Variants in TBC1D19 observed in about 807,000 individuals in gnomAD.
TBC1D19 encodes TBC1 domain family member 19.
Under a neutral mutation model 89.0 loss-of-function variants are expected in TBC1D19, and 60 were observed. The observed-to-expected ratio is 0.67, with a 90% CI of 0.55 to 0.84. The LOEUF is 0.84. TBC1D19 is among the 40% of genes least tolerant of loss of function. The pLI, the probability that TBC1D19 is intolerant of heterozygous loss-of-function variation, is 0.00. For synonymous variants in TBC1D19, 189 were observed against 199.7 expected (o/e 0.95, Z 0.45); for missense variants, 500 against 610.8 (o/e 0.82, Z 1.91).
At chr4:26,734,296 A>G (rs942160374) in intron 15 of TBC1D19, among the ~76,000 whole-genome samples, 1 of 152,228 alleles carries the variant, frequency 6.6e-6, no homozygotes, top group African/African-American at 2.4e-5. Flanking sequence ...AACTCACTCT[A>G]TATGACCACA....
At chr4:26,858,141 G>C in the TBC1D19 span, 1 of 152,224 alleles carries the variant, frequency 6.6e-6, no homozygotes, top group African/African-American at 2.4e-5. Flanking sequence ...ACTGAGGACA[G>C]ATTAACCTGT....
chr4:26,816,643 A>T, the TBC1D19 span, among the ~76,000 whole-genome samples: 110 of 152,324 alleles, frequency 7.2e-4, 1 homozygote, highest in African/African-American at 2.6e-3. Context: ...AATAACTTGG[A>T]TTCAATCATG....
intron 7 of TBC1D19, among the ~76,000 whole-genome samples, chr4:26,643,055 C>T: frequency 6.6e-6 from 1 of 152,176 alleles, no homozygotes; most frequent in Non-Finnish European, 1.5e-5. Context: ...AGGACTTGAT[C>T]TCAGCTCTGC....
chr4:26,594,111 C>T (rs1253600307), intron 1 of TBC1D19, among the ~76,000 whole-genome samples: 1 of 152,096 alleles, frequency 6.6e-6, no homozygotes, highest in Admixed American at 6.5e-5. Context: ...CAATGGTAGA[C>T]TGGATAAAGA....
chr4:26,723,458 C>T (rs531336500), intron 15 of TBC1D19, among the ~76,000 whole-genome samples: 1 of 152,314 alleles, frequency 6.6e-6, no homozygotes, highest in East Asian at 1.9e-4. Flanking sequence ...GACACACTCT[C>T]ATTCCCTGAC....
intron 4 of TBC1D19, among the ~76,000 whole-genome samples, chr4:26,627,747 C>T (rs1035791858): frequency 6.2e-4 from 94 of 151,730 alleles, no homozygotes; most frequent in Non-Finnish European, 9.7e-4. Context: ...GTTTTTTTCT[C>T]GTAAATTTGT....
At chr4:26,741,808 T>C (rs971990081) in intron 17 of TBC1D19, among the ~76,000 whole-genome samples, 2 of 152,238 alleles carry the variant, frequency 1.3e-5, no homozygotes, top group Non-Finnish European at 1.5e-5. Context: ...CAGGAAAGAC[T>C]TTATTCAGAG....
chr4:26,691,056 C>T (rs1036025984), intron 13 of TBC1D19, among the ~76,000 whole-genome samples: 2 of 152,194 alleles, frequency 1.3e-5, no homozygotes, highest in African/African-American at 2.4e-5. Context: ...GAAGTTGATT[C>T]TAACCTTCAT....
At chr4:26,846,665 T>C in the TBC1D19 span, among the ~76,000 whole-genome samples, 2 of 152,216 alleles carry the variant, frequency 1.3e-5, no homozygotes, top group Admixed American at 6.5e-5. Context: ...ATCAAGATTA[T>C]ATTTCTTTAT....
At chr4:26,698,510 T>A (rs1381244008) in intron 13 of TBC1D19, among the ~76,000 whole-genome samples, 4 of 152,132 alleles carry the variant, frequency 2.6e-5, no homozygotes, top group African/African-American at 9.7e-5. Flanking sequence ...TGGAAAAAAC[T>A]ACTTTAAAGT....
At chr4:26,835,399 A>G in the TBC1D19 span, among the ~76,000 whole-genome samples, 2 of 152,230 alleles carry the variant, frequency 1.3e-5, no homozygotes, top group African/African-American at 2.4e-5. Flanking sequence ...ATCCAGACCT[A>G]TAAGATAATA....
intron 19 of TBC1D19, 140 bp downstream of exon 19, chr4:26,748,666 C>A: frequency 1.6e-6 from 1 of 637,760 alleles, no homozygotes; most frequent in Non-Finnish European, 2.7e-6. Flanking sequence ...CTGGCTTTGA[C>A]GATAAGTACG....
At chr4:26,593,121 G>A (rs1341679969) in intron 1 of TBC1D19, among the ~76,000 whole-genome samples, 1 of 152,176 alleles carries the variant, frequency 6.6e-6, no homozygotes, top group Non-Finnish European at 1.5e-5. Flanking sequence ...AACCAGCATG[G>A]TACTGGTACC....
At chr4:26,709,302 A>G (rs779359291) in intron 13 of TBC1D19, among the ~76,000 whole-genome samples, 2 of 151,982 alleles carry the variant, frequency 1.3e-5, no homozygotes, top group African/African-American at 4.8e-5. Flanking sequence ...TTGTTTTTGA[A>G]TGACCTAGTC....
At chr4:26,811,718 A>G in the TBC1D19 span, among the ~76,000 whole-genome samples, 1 of 152,242 alleles carries the variant, frequency 6.6e-6, no homozygotes, top group Non-Finnish European at 1.5e-5. Context: ...ATGCTAAACA[A>G]GGAGTGGGTT....
At chr4:26,820,190 G>A in the TBC1D19 span, among the ~76,000 whole-genome samples, 1 of 152,134 alleles carries the variant, frequency 6.6e-6, no homozygotes, top group Non-Finnish European at 1.5e-5. Flanking sequence ...AAAAATCTAT[G>A]CTTTTAGCAA....
the TBC1D19 span, among the ~76,000 whole-genome samples, chr4:26,842,583 C>CCTCCCTTTCTTTCTTTCTTT: frequency 2.8e-5 from 2 of 70,610 alleles, no homozygotes; most frequent in East Asian, 7.7e-4. Flanking sequence ...TTCCTCCCTC[C>CCTCCCTTTCTTTCTTTCTTT]CTTTCTTTCT....
chr4:26,753,977 G>A lies in TBC1D19; in HGVS notation c.1506+87G>A, dbSNP rs968241296. The A allele has an allele frequency of 5.4e-5, 76 of 1,415,462 alleles. 1 individual carries two copies. The African/African-American group carries it at 5.5e-4, about 10-fold the overall frequency. The allele number at this position is 1,415,462 out of a possible 1,614,324, so 87.7% of individuals were successfully genotyped here. A position where few individuals can be genotyped will look rare whatever the true frequency, so the allele number is the denominator to read the frequency against. On this transcript the variant is annotated intron_variant, in intron 20 of 20. Coordinates refer to ENST00000264866, the MANE Select transcript of TBC1D19 (RefSeq NM_018317.4). ...TTTTAGTGTCTGTTGCATAGGACAC[G>A]CGTTACTTGTAGCCAGGTTTTTTAA...
intron 7 of TBC1D19, among the ~76,000 whole-genome samples, chr4:26,649,457 A>C (rs1252053801): frequency 6.6e-6 from 1 of 152,126 alleles, no homozygotes; most frequent in Admixed American, 6.6e-5. Flanking sequence ...ACATCACCAC[A>C]TTTTTAGAAC....
Sources: allele counts gnomAD v4.1 joint callset (sites outside exome capture counted in the v4.1 genomes callset), GRCh38; gene constraint gnomAD v4.1.1; transcripts MANE v1.5; gene names NCBI Gene and HGNC (gene_info 2026-07-23, HGNC 2026-07-21).